Variants in ADGRB3 observed in about 807,000 individuals in gnomAD.
ADGRB3 encodes adhesion G protein-coupled receptor B3, also known as brain-specific angiogenesis inhibitor 3.
Under a neutral mutation model 193.4 loss-of-function variants are expected in ADGRB3, and 37 were observed. The ratio of observed to expected loss-of-function variants is 0.19; its 90% CI spans 0.15 to 0.25. ADGRB3 has a LOEUF of 0.25. Among genes scored for constraint, ADGRB3 ranks in the 10% least tolerant of loss-of-function variants. The probability of loss-of-function intolerance (pLI) is 1.00; values close to 1 mark genes in which losing one functional copy is unlikely to be tolerated. For synonymous variants in ADGRB3, 690 were observed against 644.2 expected, an observed-to-expected ratio of 1.07 and a Z score of -1.08; for missense variants, 1,637 against 1,852.9, an observed-to-expected ratio of 0.88 and a Z score of 2.14.
intron 3 of ADGRB3, among the ~76,000 whole-genome samples, chr6:68,715,254 C>T (rs1401424954): frequency 3.3e-5 from 5 of 151,174 alleles, no homozygotes; most frequent in African/African-American, 7.3e-5. Context: ...ATAAGCCTCT[C>T]GGTAGTAGCC....
chr6:69,025,103 A>C (rs4706818), intron 13 of ADGRB3, among the ~76,000 whole-genome samples: 2 of 150,732 alleles, frequency 1.3e-5, no homozygotes, highest in Non-Finnish European at 3.0e-5. Context: ...AAAAAAAAAA[A>C]AAAAAATAAA....
At chr6:69,076,607 A>G (rs1327004881) in intron 17 of ADGRB3, among the ~76,000 whole-genome samples, 1 of 152,070 alleles carries the variant, frequency 6.6e-6, no homozygotes, top group African/African-American at 2.4e-5. Flanking sequence ...TGTTTGTAGA[A>G]GTAATTGCAA....
chr6:68,790,228 C>A (rs149798902), intron 3 of ADGRB3, among the ~76,000 whole-genome samples: 9 of 152,182 alleles, frequency 5.9e-5, no homozygotes, highest in African/African-American at 1.4e-4. Flanking sequence ...GCACAGCGTC[C>A]GAGATCAAAC....
At chr6:68,819,591 C>T (rs537826493) in intron 3 of ADGRB3, among the ~76,000 whole-genome samples, 30 of 152,098 alleles carry the variant, frequency 2.0e-4, no homozygotes, top group African/African-American at 7.0e-4. Flanking sequence ...GCAGCTGCTG[C>T]GGAGTATTTC....
chr6:68,646,331 G>A (rs900117811), intron 3 of ADGRB3, among the ~76,000 whole-genome samples: 3 of 151,672 alleles, frequency 2.0e-5, no homozygotes, highest in Admixed American at 6.6e-5. Context: ...ACAAAAATTA[G>A]CCAGGCGTGG....
At chr6:69,136,840 G>GC (rs1183503795) in intron 17 of ADGRB3, among the ~76,000 whole-genome samples, 7 of 151,526 alleles carry the variant, frequency 4.6e-5, no homozygotes, top group African/African-American at 1.7e-4. Context: ...TTTGAATAGC[G>GC]CCCCACTTTT....
At chr6:68,724,796 G>A (rs1049833217) in intron 3 of ADGRB3, among the ~76,000 whole-genome samples, 9 of 151,346 alleles carry the variant, frequency 5.9e-5, no homozygotes, top group Non-Finnish European at 1.2e-4. Context: ...AATTCATCAA[G>A]CAAATGCTTA....
At chr6:68,836,527 G>A (rs1022074191) in intron 3 of ADGRB3, among the ~76,000 whole-genome samples, 1 of 152,094 alleles carries the variant, frequency 6.6e-6, no homozygotes, top group African/African-American at 2.4e-5. Context: ...TCAACTTGAG[G>A]TTCCACATTA....
At chr6:68,646,163 G>A (rs1265111946) in intron 3 of ADGRB3, among the ~76,000 whole-genome samples, 1 of 152,030 alleles carries the variant, frequency 6.6e-6, no homozygotes. Context: ...GTCCAGGATG[G>A]AAAAAGTTAA....
chr6:68,897,465 GAAA>G (rs1562076450), intron 3 of ADGRB3, among the ~76,000 whole-genome samples: 12 of 36,102 alleles, frequency 3.3e-4, no homozygotes, highest in Non-Finnish European at 6.7e-4. Context: ...AGGGAGGGAG[GAAA>G]GGGAGGGAGG....
At chr6:69,059,536 TA>T (rs1391781020) in intron 15 of ADGRB3, among the ~76,000 whole-genome samples, 1 of 152,140 alleles carries the variant, frequency 6.6e-6, no homozygotes, top group Admixed American at 6.6e-5. Flanking sequence ...TCAACGAGCA[TA>T]AATCTCAAGG....
intron 10 of ADGRB3, among the ~76,000 whole-genome samples, chr6:68,992,847 A>C (rs918324287): frequency 1.6e-4 from 24 of 152,176 alleles, no homozygotes; most frequent in Non-Finnish European, 2.9e-4. Context: ...GGTAATTGCA[A>C]TTAATGTACT....
In ADGRB3 at chr6:68,682,575, A is replaced by C. The variant is rs546233927; in HGVS notation, c.757+43143A>C. Among the ~76,000 whole-genome samples, 4 of 152,334 alleles carry C rather than the reference A, an allele frequency of 2.6e-5. No homozygotes were observed. The East Asian group carries it at 5.8e-4, about 22-fold the overall frequency. On this transcript the variant is annotated intron_variant, in intron 3 of 31. Transcript: ENST00000370598. ...ATATTGTTAGTTAAAAGAAATAAAA[A>C]ATTATAATTCTTCGTAAAATTTATC...
In ADGRB3 at chr6:69,166,549, A is replaced by G. The variant is rs548789179; in HGVS notation, c.2481-66741A>G. Among the ~76,000 whole-genome samples the G allele has an allele frequency of 4.6e-4, 70 of 152,256 alleles. 1 individual carries two copies. The highest frequency in any genetic ancestry group is 3.4e-3 in the Middle Eastern group (1 of 294). ...ATAGGTACATTCACTCCTTGTTGCC[A>G]AAGCTATATAAAAAGCTACATCATA... On this transcript the variant is annotated intron_variant, in intron 17 of 31. Coordinates refer to ENST00000370598, the MANE Select transcript of ADGRB3 (RefSeq NM_001704.3).
At chr6:69,164,305 G>A (rs1237397531) in intron 17 of ADGRB3, among the ~76,000 whole-genome samples, 5 of 151,776 alleles carry the variant, frequency 3.3e-5, no homozygotes, top group African/African-American at 4.8e-5. Flanking sequence ...AATGAAGGGA[G>A]ACAGGAAACC....
chr6:68,866,017 G>T (rs1765288481), intron 3 of ADGRB3, among the ~76,000 whole-genome samples: 1 of 152,108 alleles, frequency 6.6e-6, no homozygotes, highest in Non-Finnish European at 1.5e-5. Flanking sequence ...GTAATCTCTT[G>T]AGACTCAGAG....
At chr6:68,930,442 T>C (rs1459076990) in intron 3 of ADGRB3, 117 bp from the exon 4 acceptor site, 4 of 581,216 alleles carry the variant, frequency 6.9e-6, no homozygotes, top group Middle Eastern at 5.9e-4. Context: ...AAGTTTAGAA[T>C]TGTGAATTTA....
intron 20 of ADGRB3, among the ~76,000 whole-genome samples, chr6:69,254,446 T>G (rs972931039): frequency 3.3e-5 from 5 of 152,178 alleles, no homozygotes; most frequent in African/African-American, 1.2e-4. Flanking sequence ...ATGTATAATT[T>G]GTGTTTTACT....
intron 20 of ADGRB3, among the ~76,000 whole-genome samples, chr6:69,303,313 A>T (rs1242632407): frequency 2.0e-5 from 3 of 151,992 alleles, no homozygotes; most frequent in African/African-American, 7.2e-5. Flanking sequence ...GACAGAAATT[A>T]TGATGCATGT....
Sources: allele counts gnomAD v4.1 joint callset (sites outside exome capture counted in the v4.1 genomes callset), GRCh38; gene constraint gnomAD v4.1.1; transcripts MANE v1.5; gene names NCBI Gene and HGNC (gene_info 2026-07-23, HGNC 2026-07-21).